Variants in SLC9D1 observed in about 807,000 individuals in gnomAD.
The protein encoded by SLC9D1 is putative LAG1-interacting protein.
At chr13:113,520,483 CAA>C in the SLC9D1 span, 10,127 of 359,302 alleles carry the variant, frequency 0.028, no homozygotes, top group South Asian at 0.043. Context: ...AACTCCATCT[CAA>C]AAAAAAAAAA....
chr13:113,547,273 G>A, the SLC9D1 span: 44 of 1,591,900 alleles, frequency 2.8e-5, no homozygotes, highest in African/African-American at 2.8e-4. Flanking sequence ...TCCTGCGGTC[G>A]TAACGTGTCT....
the SLC9D1 span, among the ~76,000 whole-genome samples, chr13:113,510,895 A>C: frequency 1.3e-5 from 2 of 152,128 alleles, no homozygotes; most frequent in Non-Finnish European, 2.9e-5. Context: ...CGTATGTATG[A>C]AACATTGCCG....
the SLC9D1 span, among the ~76,000 whole-genome samples, chr13:113,543,806 C>T: frequency 6.6e-6 from 1 of 151,834 alleles, no homozygotes; most frequent in Non-Finnish European, 1.5e-5. Context: ...ACATGCTTGC[C>T]TTGTCTTCAA....
chr13:113,495,204 G>C, the SLC9D1 span, among the ~76,000 whole-genome samples: 4 of 152,162 alleles, frequency 2.6e-5, no homozygotes, highest in Non-Finnish European at 4.4e-5. Context: ...GCACATGGTG[G>C]AGTTGGTAGA....
At chr13:113,536,293 A>T in the SLC9D1 span, among the ~76,000 whole-genome samples, 2 of 151,910 alleles carry the variant, frequency 1.3e-5, no homozygotes, top group African/African-American at 4.8e-5. Context: ...CAAGAGAATC[A>T]CTTGAACCCA....
the SLC9D1 span, chr13:113,539,375 G>A: frequency 1.4e-5 from 22 of 1,612,984 alleles, no homozygotes; most frequent in Admixed American, 6.7e-5. The surrounding 1 kb of genome is among the most constrained non-coding windows in gnomAD (Gnocchi z 4.8). Context: ...GCTGCTGGAC[G>A]TCTCCATGGA....
the SLC9D1 span, chr13:113,503,473 GGTT>G: frequency 6.4e-7 from 1 of 1,560,084 alleles, no homozygotes; most frequent in South Asian, 1.1e-5. Context: ...ACAATTATAT[GGTT>G]TTTCTTTTGT....
the SLC9D1 span, chr13:113,539,486 A>G: frequency 6.2e-6 from 10 of 1,612,970 alleles, no homozygotes; most frequent in Non-Finnish European, 8.5e-6. The surrounding 1 kb of genome is among the most constrained non-coding windows in gnomAD (Gnocchi z 4.8). Context: ...CTTCCTGGCC[A>G]TCGTTTTCTT....
chr13:113,504,067 C>T, the SLC9D1 span: 1 of 153,826 alleles, frequency 6.5e-6, no homozygotes, highest in African/African-American at 2.4e-5. Flanking sequence ...ATAACAAAAA[C>T]ACCCTGTGAA....
chr13:113,503,373 GTGTGTGTGTGTA>G, the SLC9D1 span: 1 of 630,246 alleles, frequency 1.6e-6, no homozygotes, highest in Non-Finnish European at 2.8e-6. Context: ...GTGTGTGTGT[GTGTGTGTGTGTA>G]TGTGTGTTTT....
the SLC9D1 span, among the ~76,000 whole-genome samples, chr13:113,536,973 A>C: frequency 1.1e-4 from 16 of 152,122 alleles, no homozygotes; most frequent in Non-Finnish European, 2.2e-4. Flanking sequence ...CACTTGCTCC[A>C]GGAGTGGAGC....
the SLC9D1 span, chr13:113,530,101 G>T: frequency 1.3e-5 from 2 of 152,242 alleles, no homozygotes; most frequent in Admixed American, 6.5e-5. Context: ...GCTTCTGAAA[G>T]AACCGGACAA....
the SLC9D1 span, chr13:113,549,523 A>G: frequency 1.2e-6 from 2 of 1,613,956 alleles, no homozygotes; most frequent in East Asian, 4.5e-5. Context: ...GACCGGAGAG[A>G]CGGTCCAGCC....
At chr13:113,501,772 G>A in the SLC9D1 span, 1 of 1,609,866 alleles carries the variant, frequency 6.2e-7, no homozygotes, top group South Asian at 1.1e-5. Flanking sequence ...CCATAGGAAT[G>A]CTGTCCTTGC....
chr13:113,510,745 A>C, the SLC9D1 span, among the ~76,000 whole-genome samples: 5 of 152,234 alleles, frequency 3.3e-5, no homozygotes, highest in Non-Finnish European at 7.3e-5. Context: ...GGTGGATTTT[A>C]GGAAGTTGCG....
chr13:113,494,225 C>T, the SLC9D1 span, among the ~76,000 whole-genome samples: 2 of 152,154 alleles, frequency 1.3e-5, no homozygotes, highest in African/African-American at 4.8e-5. Flanking sequence ...TGTAAATCTG[C>T]GTAAGTGGTA....
the SLC9D1 span, among the ~76,000 whole-genome samples, chr13:113,542,956 A>G: frequency 5.3e-3 from 808 of 151,900 alleles, 3 homozygotes; most frequent in African/African-American, 0.018. Context: ...CCTGACCCCA[A>G]TGCAGCCTCA....
chr13:113,534,626 C>CA, the SLC9D1 span: 3 of 248,054 alleles, frequency 1.2e-5, no homozygotes, highest in Non-Finnish European at 1.5e-5. Flanking sequence ...CCCTCTGCTA[C>CA]AAAAAATAGA....
the SLC9D1 span, among the ~76,000 whole-genome samples, chr13:113,547,753 G>A: frequency 2.6e-5 from 4 of 152,142 alleles, no homozygotes; most frequent in African/African-American, 9.7e-5. Context: ...GCCAGTGATC[G>A]AGCTGCCTGT....
Sources: gnomAD v4.1 joint callset for allele counts (sites outside exome capture counted in the v4.1 genomes callset) on GRCh38, gnomAD v4.1.1 for gene constraint, Gnocchi (gnomAD v3.1) non-coding constraint, MANE v1.5 for transcripts, NCBI Gene and HGNC (gene_info 2026-07-23, HGNC 2026-07-21) for gene names.